The following PREX2 variants were observed in gnomAD, a reference collection of about 807,000 sequenced individuals.
The protein encoded by PREX2 is phosphatidylinositol-3,4,5-trisphosphate dependent Rac exchange factor 2.
PREX2 carries 107 observed loss-of-function variants against 203.2 expected under a neutral mutation model. That is an observed-to-expected ratio of 0.53 (90% CI 0.45 to 0.62). The LOEUF is 0.62. Among genes scored for constraint, PREX2 ranks in the 20% least tolerant of loss-of-function variants. PREX2 has a pLI of 0.00. For missense variants in PREX2, 1,777 were observed against 1,955.9 expected (o/e 0.91, Z 1.72); for synonymous variants, 672 against 663.6 (o/e 1.01, Z -0.19).
chr8:68,133,977 A>T, intron 31 of PREX2, 82 bp from the exon 32 acceptor site: 1 of 1,049,394 alleles, frequency 9.5e-7, no homozygotes, highest in Non-Finnish European at 1.5e-6. Flanking sequence ...ATGAAATGCT[A>T]GTGAATGTAG....
At chr8:68,026,583 A>G (rs1807719772) in intron 4 of PREX2, among the ~76,000 whole-genome samples, 4 of 151,400 alleles carry the variant, frequency 2.6e-5, no homozygotes. Context: ...CTTCAGTTTC[A>G]CCCCACTCTG....
intron 1 of PREX2, among the ~76,000 whole-genome samples, chr8:67,981,146 T>C (rs1200237059): frequency 6.6e-6 from 1 of 152,172 alleles, no homozygotes; most frequent in Non-Finnish European, 1.5e-5. Flanking sequence ...TTCACAGTTA[T>C]TGGGAAAAAG....
At chr8:68,050,048 G>A (rs1808478627) in intron 8 of PREX2, among the ~76,000 whole-genome samples, 1 of 151,142 alleles carries the variant, frequency 6.6e-6, no homozygotes, top group Non-Finnish European at 1.5e-5. Flanking sequence ...GTATATGTGT[G>A]TTTATGTATG....
intron 32 of PREX2, among the ~76,000 whole-genome samples, chr8:68,137,417 G>A (rs866481335): frequency 1.3e-5 from 2 of 151,846 alleles, no homozygotes; most frequent in African/African-American, 2.4e-5. Flanking sequence ...TTACATAGGT[G>A]CATGCCACCA....
At chr8:68,056,662 T>C (rs746244074) in intron 10 of PREX2, among the ~76,000 whole-genome samples, 2 of 152,222 alleles carry the variant, frequency 1.3e-5, no homozygotes, top group African/African-American at 4.8e-5. Context: ...TTATTTCTAA[T>C]GCTGGAATAC....
At chr8:68,062,799 A>G (rs1808896776) in intron 11 of PREX2, among the ~76,000 whole-genome samples, 1 of 150,918 alleles carries the variant, frequency 6.6e-6, no homozygotes, top group Non-Finnish European at 1.5e-5. Context: ...TGAAATTATT[A>G]TGTTGTTTTA....
At position 68,235,726 on chromosome 8, in the gene PREX2, A is replaced by G. The variant is rs1794843691; in HGVS notation, c.*4348A>G. ...GACCATTATCTTCCTAGGTGCTACAACTCCATACTAGTCATTACAGTTAGT... is the reference window on the plus strand; with the variant it reads ...GACCATTATCTTCCTAGGTGCTACAGCTCCATACTAGTCATTACAGTTAGT... On this transcript the variant is annotated 3_prime_UTR_variant, in exon 40 of 40. Coordinates refer to ENST00000288368, the MANE Select transcript of PREX2 (RefSeq NM_024870.4). 1 of 152,066 alleles carries G rather than the reference A, an allele frequency of 6.6e-6. No homozygotes were observed. Among genetic ancestry groups the G allele is most frequent in the African/African-American group, 2.4e-5 (1 of 41,418 alleles). 9.4% of individuals were successfully genotyped at this position (152,066 alleles called of 1,614,324 possible).
At chr8:68,117,227 G>A (rs770268333) in intron 26 of PREX2, among the ~76,000 whole-genome samples, 8 of 152,178 alleles carry the variant, frequency 5.3e-5, no homozygotes, top group Non-Finnish European at 1.2e-4. Context: ...GCAAGCCTCG[G>A]TGGCAGGTTC....
At chr8:68,205,716 C>T (rs1310514026) in intron 37 of PREX2, among the ~76,000 whole-genome samples, 1 of 152,186 alleles carries the variant, frequency 6.6e-6, no homozygotes, top group Non-Finnish European at 1.5e-5. Context: ...CAGTCGTGCT[C>T]TGTAAAAGTA....
rs567593398 is a variant in PREX2 at position 67,952,602 on chromosome 8, C to G, written c.141+67C>G. Reference sequence around the variant, plus strand: ...CGGGGCGCGGGTCCCGGAGTGGCTGCGGGAAGGACGCGCGGCATTGTCTGT... The same window carrying G: ...CGGGGCGCGGGTCCCGGAGTGGCTGGGGGAAGGACGCGCGGCATTGTCTGT... On this transcript the variant is annotated intron_variant, in intron 1 of 39. Coordinates refer to ENST00000288368, the MANE Select transcript of PREX2 (RefSeq NM_024870.4). 7 of 1,559,704 alleles carry G rather than the reference C, an allele frequency of 4.5e-6. No individual in the cohort carries two copies. The East Asian group carries it at 1.4e-4, about 32-fold the overall frequency.
At chr8:68,058,683 C>T (rs572737671) in intron 10 of PREX2, among the ~76,000 whole-genome samples, 5 of 152,226 alleles carry the variant, frequency 3.3e-5, no homozygotes, top group African/African-American at 1.2e-4. Flanking sequence ...GATCCATCTG[C>T]CTCCGCCTCC....
chr8:67,968,425 C>A (rs1381139675), intron 1 of PREX2, among the ~76,000 whole-genome samples: 1 of 152,092 alleles, frequency 6.6e-6, no homozygotes, highest in Non-Finnish European at 1.5e-5. Context: ...CTTTGGTTCA[C>A]TGAATTCGCA....
chr8:68,079,981 T>C (rs554772841), intron 15 of PREX2, among the ~76,000 whole-genome samples: 1 of 107,462 alleles, frequency 9.3e-6, no homozygotes, highest in Non-Finnish European at 2.1e-5. Flanking sequence ...ATGAGAGTTG[T>C]TCACACAAGA....
rs145997493 is a variant in PREX2 at position 68,163,365 on chromosome 8, C to T, written c.4346+5929C>T. On this transcript the variant is annotated intron_variant, in intron 35 of 39. Coordinates refer to ENST00000288368, the MANE Select transcript of PREX2 (RefSeq NM_024870.4). ...TTAGAGAAACAGGGTAGCAAATTTG[C>T]ATCTCAAATCAAAGATAGAAAATGT... is the stretch of plus-strand genomic sequence containing the variant. Among the ~76,000 whole-genome samples, 91 of 152,228 alleles carry T rather than the reference C, an allele frequency of 6.0e-4. No individual in the cohort carries two copies. The East Asian group carries it at 0.011, about 18-fold the overall frequency.
At chr8:68,188,075 T>TTG (rs1202596643) in intron 35 of PREX2, among the ~76,000 whole-genome samples, 1 of 152,218 alleles carries the variant, frequency 6.6e-6, no homozygotes, top group Non-Finnish European at 1.5e-5. Context: ...AGACTAGCTT[T>TTG]TGTGATGCTT....
chr8:67,976,692 CAGAG>C lies in PREX2; in HGVS notation c.141+24167_141+24170del, dbSNP rs143882414. On this transcript the variant is annotated intron_variant, in intron 1 of 39. Transcript: ENST00000288368. The stretch of plus-strand genomic sequence containing the variant: ...GACAGAGAGAGAGACAGGAGAGAGA[CAGAG>C]AGAGAGAGACGGGAGAGAGACAGAG... Among the ~76,000 whole-genome samples, 444 of 60,840 alleles carry C rather than the reference CAGAG, an allele frequency of 7.3e-3. 37 individuals carry two copies. The highest frequency in any genetic ancestry group is 0.019 in the African/African-American group (333 of 17,488). The allele number at this position is 60,840 out of a possible 152,430, so 39.9% of individuals were successfully genotyped here.
At chr8:68,149,295 G>A (rs1811386647) in intron 34 of PREX2, among the ~76,000 whole-genome samples, 1 of 152,170 alleles carries the variant, frequency 6.6e-6, no homozygotes. Context: ...GGAATTTCAG[G>A]GTTGGAAGTG....
intron 11 of PREX2, among the ~76,000 whole-genome samples, chr8:68,065,102 T>C (rs1682647064): frequency 6.6e-6 from 1 of 152,212 alleles, no homozygotes; most frequent in African/African-American, 2.4e-5. Context: ...TGCAGAACAG[T>C]TCAGCGTTTT....
At chr8:68,032,803 A>T (rs1360776302) in intron 6 of PREX2, among the ~76,000 whole-genome samples, 1 of 152,138 alleles carries the variant, frequency 6.6e-6, no homozygotes, top group Non-Finnish European at 1.5e-5. Flanking sequence ...GACAGGGAGA[A>T]GTTCAGACGT....
Sources: allele counts gnomAD v4.1 joint callset (sites outside exome capture counted in the v4.1 genomes callset), GRCh38; gene constraint gnomAD v4.1.1; transcripts MANE v1.5; gene names NCBI Gene and HGNC (gene_info 2026-07-23, HGNC 2026-07-21).